TELO2: variants seen among roughly 807,000 people sequenced by gnomAD.
TELO2 encodes the protein telomere length regulation protein TEL2 homolog.
TELO2 carries 71 observed loss-of-function variants against 91.0 expected under a neutral mutation model. The ratio of observed to expected loss-of-function variants is 0.78; its 90% CI spans 0.64 to 0.95. TELO2 has a LOEUF of 0.95. Among genes scored for constraint, TELO2 ranks in the 40% least tolerant of loss-of-function variants. The pLI is 0.00. For synonymous variants in TELO2, 584 were observed against 518.9 expected, an observed-to-expected ratio of 1.13 and a Z score of -1.71; for missense variants, 1,183 against 1,141.3, an observed-to-expected ratio of 1.04 and a Z score of -0.53.
chr16:1,504,643 C>A (rs150925841), intron 15 of TELO2, among the ~76,000 whole-genome samples: 1 of 145,952 alleles, frequency 6.9e-6, no homozygotes, highest in South Asian at 2.3e-4. Flanking sequence ...CTGCAAGCTC[C>A]CCCTCCCGGG....
chr16:1,502,409 G>A lies in TELO2; in HGVS notation c.1653+5G>A. On this transcript the variant is annotated splice_donor_5th_base_variant and intron_variant, in intron 13 of 20. Transcript: ENST00000262319. ...AGCCCCACAGCCACTCGGGAGGTGAGTGGGGGGCGGGAGTGGGTGGGGAGG... is the reference window on the plus strand; with the variant it reads ...AGCCCCACAGCCACTCGGGAGGTGAATGGGGGGCGGGAGTGGGTGGGGAGG... 6.3e-7 allele frequency: 1 copy of A among 1,589,186 alleles called. No homozygotes were observed. The highest frequency in any genetic ancestry group is 8.5e-7 in the Non-Finnish European group (1 of 1,169,776).
At chr16:1,502,782 C>T (rs1399298874) in intron 14 of TELO2, 21 bp downstream of exon 14, 8 of 1,609,250 alleles carry the variant, frequency 5.0e-6, no homozygotes, top group Non-Finnish European at 6.8e-6. Context: ...GCACCCGTGG[C>T]CCTGGCCAGT....
At chr16:1,508,640 T>G (rs1329329638) in intron 20 of TELO2, among the ~76,000 whole-genome samples, 1 of 152,112 alleles carries the variant, frequency 6.6e-6, no homozygotes, top group Non-Finnish European at 1.5e-5. Context: ...TCCTTTCCCG[T>G]GGGGCTGGGC....
At position 1,502,764 on chromosome 16, in the gene TELO2, G is replaced by A; in HGVS notation, c.1770+3G>A. The stretch of plus-strand genomic sequence containing the variant: ...TCACGGTCACAGACCCGGCCCCGGT[G>A]AGTTCCCGCACCCGTGGCCCTGGCC... On this transcript the variant is annotated splice_donor_region_variant and intron_variant, in intron 14 of 20. Transcript: ENST00000262319. The A allele has an allele frequency of 6.2e-7, 1 of 1,611,322 alleles. No homozygotes were observed. The highest frequency in any genetic ancestry group is 1.1e-5 in the South Asian group (1 of 91,056).
Position 1,494,099 on chromosome 16 carries a change from G to T in TELO2, c.-36-147G>T, listed in dbSNP as rs2039394836. 2 of 609,046 alleles carry T rather than the reference G, an allele frequency of 3.3e-6. No homozygotes were observed. The highest frequency in any genetic ancestry group is 5.8e-6 in the Non-Finnish European group (2 of 346,220). The allele number at this position is 609,046 out of a possible 1,614,324, so 37.7% of individuals were successfully genotyped here. A position where few individuals can be genotyped will look rare whatever the true frequency, so the allele number is the denominator to read the frequency against. On this transcript the variant is annotated intron_variant, in intron 1 of 20. Coordinates refer to ENST00000262319, the MANE Select transcript of TELO2 (RefSeq NM_016111.4). The surrounding 1 kb of genome is among the most constrained non-coding windows in gnomAD (Gnocchi z 5.6). ...AGGAGCGAACTCTGGGTGGAAACCG[G>T]CAGGCACTGGAGGGGAAGGAGGCGG... is the stretch of plus-strand genomic sequence containing the variant.
In TELO2 at chr16:1,509,762, G is replaced by C. The variant is rs2040064890; in HGVS notation, c.2408-68G>C. ...CTGGCGGGGCTGGTTCAGGCAGACT[G>C]AAGACAGGAGGAGGGAGAATACGCC... On this transcript the variant is annotated intron_variant, in intron 20 of 20. Coordinates refer to ENST00000262319, the MANE Select transcript of TELO2 (RefSeq NM_016111.4). The C allele has an allele frequency of 1.9e-5, 27 of 1,453,738 alleles. No homozygotes were observed. In the South Asian group the frequency reaches 3.3e-4, roughly 18 times the overall value. 90.1% of individuals were successfully genotyped at this position (1,453,738 alleles called of 1,614,324 possible).
chr16:1,501,391 A>AT, intron 9 of TELO2, 29 bp from the exon 10 acceptor site: 1 of 1,606,362 alleles, frequency 6.2e-7, no homozygotes, highest in Non-Finnish European at 8.5e-7. Flanking sequence ...AGCCTGGCGG[A>AT]TGCCGCTGAG....
At chr16:1,507,393 C>T (rs770213234) in intron 19 of TELO2, 23 bp downstream of exon 19, 2 of 1,608,252 alleles carry the variant, frequency 1.2e-6, no homozygotes, top group Non-Finnish European at 1.7e-6. Flanking sequence ...TGGGGCTGGG[C>T]CAGGCCAGGG....
chr16:1,495,279 C>T (rs563162838), intron 2 of TELO2, 67 bp from the exon 3 acceptor site: 2 of 1,485,338 alleles, frequency 1.3e-6, no homozygotes, highest in East Asian at 2.5e-5. Flanking sequence ...CTGCTGGTTC[C>T]TTGTGGCAGG....
chr16:1,496,993 C>T, intron 3 of TELO2, 43 bp from the exon 4 acceptor site: 2 of 1,597,908 alleles, frequency 1.3e-6, no homozygotes, highest in Non-Finnish European at 1.7e-6. Context: ...TTCTTTTGTG[C>T]CTTCCCGCCG....
intron 20 of TELO2, among the ~76,000 whole-genome samples, chr16:1,508,518 C>T (rs1415158288): frequency 2.0e-5 from 3 of 152,248 alleles, no homozygotes; most frequent in Admixed American, 6.5e-5. Flanking sequence ...GATACCGCCT[C>T]GGTTTCCACG....
At chr16:1,507,574 G>A (rs1249964256) in intron 19 of TELO2, 27 bp from the exon 20 acceptor site, 1 of 1,559,212 alleles carries the variant, frequency 6.4e-7, no homozygotes, top group Non-Finnish European at 8.6e-7. Flanking sequence ...TCCCTGCCGA[G>A]CTCAGCCCCC....
intron 6 of TELO2, among the ~76,000 whole-genome samples, 166 bp downstream of exon 6, chr16:1,499,499 C>G (rs2039601394): frequency 6.6e-6 from 1 of 151,860 alleles, no homozygotes; most frequent in Admixed American, 6.6e-5. Flanking sequence ...GCCCTGATGA[C>G]AGGCCCTGCT....
At chr16:1,506,569 G>A (rs953468275) in intron 17 of TELO2, 265 of 1,416,358 alleles carry the variant, frequency 1.9e-4, no homozygotes, top group Middle Eastern at 5.1e-4. Flanking sequence ...TGGCATGGCC[G>A]GCAGTGCCGC....
chr16:1,502,952 C>G lies in TELO2; in HGVS notation c.1792C>G (p.Gln598Glu), dbSNP rs538338106. 104 of 1,611,500 alleles carry G rather than the reference C, an allele frequency of 6.5e-5. No homozygotes were observed. In the South Asian group the frequency reaches 1.1e-3, roughly 17 times the overall value. Reference protein sequence around the residue: ...PAPVADYLTSQFYALNYSLRQ... With the variant: ...PAPVADYLTSEFYALNYSLRQ... ...TCAGGTGGCCGACTATCTGACCTCACAGTTCTATGCCCTCAACTACAGCCT... is the reference window on the plus strand; with the variant it reads ...TCAGGTGGCCGACTATCTGACCTCAGAGTTCTATGCCCTCAACTACAGCCT... The change falls in exon 15 of 21, where the codon CAG becomes GAG. Residue 598 changes from glutamine (Q) to glutamate (E), a missense_variant. Gln to Glu is a conservative substitution (Grantham distance 29, BLOSUM62 2). Transcript: ENST00000262319.
intron 15 of TELO2, 139 bp downstream of exon 15, chr16:1,503,141 C>G: frequency 1.1e-6 from 1 of 931,198 alleles, no homozygotes; most frequent in African/African-American, 1.6e-5. Context: ...GTGTGTGACC[C>G]GGCAGGACTC....
chr16:1,497,755 G>A lies in TELO2; in HGVS notation c.830+247G>A, dbSNP rs553320105. Among the ~76,000 whole-genome samples, 2 of 152,312 alleles carry A rather than the reference G, an allele frequency of 1.3e-5. No individual in the cohort carries two copies. The highest frequency in any genetic ancestry group is 1.9e-4 in the East Asian group (1 of 5,178). ...AACAGCCCACACCGTAAAGGCGCCT[G>A]TACCTTGGGCCGTCCACCCGTCCTG... On this transcript the variant is annotated intron_variant, in intron 5 of 20. Coordinates refer to ENST00000262319, the MANE Select transcript of TELO2 (RefSeq NM_016111.4). The surrounding 1 kb of genome is among the most constrained non-coding windows in gnomAD (Gnocchi z 4.0).
At position 1,509,827 on chromosome 16, in the gene TELO2, C is replaced by A; in HGVS notation, c.2408-3C>A. On this transcript the variant is annotated splice_polypyrimidine_tract_variant and splice_region_variant and intron_variant, in intron 20 of 20. Coordinates refer to ENST00000262319, the MANE Select transcript of TELO2 (RefSeq NM_016111.4). ...AGCTTTGCTTGTCACTCTCGTCTGGCAGACGTGGCTGAGAAAGACCCGGAC... is the reference window on the plus strand; with the variant it reads ...AGCTTTGCTTGTCACTCTCGTCTGGAAGACGTGGCTGAGAAAGACCCGGAC... 6.2e-7 allele frequency: 1 copy of A among 1,610,190 alleles called. No homozygotes were observed.
At chr16:1,508,338 G>A (rs1015879371) in intron 20 of TELO2, among the ~76,000 whole-genome samples, 3 of 152,100 alleles carry the variant, frequency 2.0e-5, no homozygotes, top group Non-Finnish European at 2.9e-5. Flanking sequence ...TCACCATGTT[G>A]GTCAGGATGG....
Sources: gnomAD v4.1 joint callset for allele counts (sites outside exome capture counted in the v4.1 genomes callset) on GRCh38, gnomAD v4.1.1 for gene constraint, Gnocchi (gnomAD v3.1) non-coding constraint, MANE v1.5 for transcripts, NCBI Gene and HGNC (gene_info 2026-07-23, HGNC 2026-07-21) for gene names.